The following INTS6 variants were observed in gnomAD, a reference collection of about 807,000 sequenced individuals.
The protein encoded by INTS6 is DEAD box protein.
INTS6 carries 16 observed loss-of-function variants against 104.9 expected under a neutral mutation model. That is an observed-to-expected ratio of 0.15 (90% CI 0.10 to 0.23). The LOEUF (loss-of-function observed/expected upper bound fraction) is 0.23. Ranked by LOEUF, INTS6 falls within the 10% of genes least tolerant of loss-of-function variation. The pLI is 1.00. For missense variants in INTS6, 584 were observed against 1,062.8 expected (o/e 0.55, Z 6.26); for synonymous variants, 324 against 358.7 (o/e 0.90, Z 1.09).
At position 51,369,301 on chromosome 13, in the gene INTS6, G is replaced by A. The variant is rs1350015254; in HGVS notation, c.2114C>T (p.Thr705Ile). 6.3e-7 allele frequency: 1 copy of A among 1,598,712 alleles called. No individual in the cohort carries two copies. Among genetic ancestry groups the A allele is most frequent in the East Asian group, 2.2e-5 (1 of 44,548 alleles). ...KPLPLHKISE[T>I]TNDSIIHDVV... ...ATCATGTATTATCGAATCATTAGTG[G>A]TTTCTGAAACTAAAAACAAAGATAC... Residue 705 changes from threonine (T) to isoleucine (I), a missense_variant, in exon 16 of 18, where the codon ACC (threonine) becomes ATC (isoleucine). By Grantham distance (89) the Thr-to-Ile change is moderately conservative. Transcript: ENST00000311234.
At chr13:51,409,263 AAATAATAAT>A (rs57913744) in intron 4 of INTS6, among the ~76,000 whole-genome samples, 36,489 of 135,712 alleles carry the variant, frequency 0.27, 4,990 homozygotes, top group East Asian at 0.32. Flanking sequence ...AATCCGTCTC[AAATAATAAT>A]AATAATAATA....
the INTS6 span, chr13:51,341,394 C>T: frequency 1.7e-4 from 249 of 1,504,554 alleles, no homozygotes; most frequent in Admixed American, 2.2e-4. Flanking sequence ...CCTGTTCACA[C>T]TCACACTCTC....
intron 4 of INTS6, chr13:51,402,772 AG>A (rs1170302694): frequency 6.6e-6 from 1 of 152,210 alleles, no homozygotes; most frequent in Admixed American, 6.5e-5. Context: ...TCTTACCAAA[AG>A]AAAAAGAATA....
intron 3 of INTS6, chr13:51,438,805 A>G (rs1188149631): frequency 6.6e-6 from 1 of 152,242 alleles, no homozygotes; most frequent in African/African-American, 2.4e-5. Context: ...AGAAATTACC[A>G]GAGGACACCA....
At chr13:51,430,899 A>G (rs1004186506) in intron 3 of INTS6, among the ~76,000 whole-genome samples, 3 of 152,244 alleles carry the variant, frequency 2.0e-5, no homozygotes, top group Admixed American at 6.5e-5. Context: ...TGGAAATAGT[A>G]GAGCTACTCT....
At chr13:51,406,990 C>T (rs1438407863) in intron 4 of INTS6, among the ~76,000 whole-genome samples, 1 of 151,484 alleles carries the variant, frequency 6.6e-6, no homozygotes, top group Non-Finnish European at 1.5e-5. Flanking sequence ...CCAATGTGCC[C>T]CTGGGAAGCC....
At chr13:51,448,012 C>A (rs957829291) in intron 3 of INTS6, 1 of 152,108 alleles carries the variant, frequency 6.6e-6, no homozygotes, top group Non-Finnish European at 1.5e-5. Flanking sequence ...GAGCCGAGAT[C>A]GCGCCACTGC....
chr13:51,360,293 C>T (rs1955551839), downstream of INTS6, among the ~76,000 whole-genome samples: 1 of 151,928 alleles, frequency 6.6e-6, no homozygotes, highest in African/African-American at 2.4e-5. Context: ...CTAGCATACA[C>T]TTTCTGAAAG....
intron 4 of INTS6, among the ~76,000 whole-genome samples, chr13:51,406,899 AT>A (rs562144778): frequency 0.037 from 5,039 of 135,736 alleles, 190 homozygotes; most frequent in African/African-American, 0.11. Flanking sequence ...TTTTTTTGTG[AT>A]TTTTTTTTTT....
chr13:51,413,830 T>C (rs1380420403), intron 4 of INTS6, among the ~76,000 whole-genome samples: 1 of 152,056 alleles, frequency 6.6e-6, no homozygotes, highest in Non-Finnish European at 1.5e-5. Flanking sequence ...GAAGCAAAAA[T>C]GTACAAGATA....
chr13:51,376,025 C>A, intron 13 of INTS6, 23 bp downstream of exon 13: 1 of 1,561,062 alleles, frequency 6.4e-7, no homozygotes, highest in Non-Finnish European at 8.6e-7. Flanking sequence ...TTAAAAATAC[C>A]AGTATTGAAA....
At chr13:51,348,732 G>T in the INTS6 span, 2 of 295,468 alleles carry the variant, frequency 6.8e-6, no homozygotes, top group African/African-American at 2.1e-5. Flanking sequence ...CCAGTTTTTG[G>T]AAAGGAAATG....
chr13:51,380,282 G>A (rs1439177479), intron 10 of INTS6, among the ~76,000 whole-genome samples: 1 of 152,100 alleles, frequency 6.6e-6, no homozygotes, highest in Non-Finnish European at 1.5e-5. Context: ...AGGAGAGACT[G>A]AGAAGTACTT....
At chr13:51,357,010 CT>C, downstream of INTS6, among the ~76,000 whole-genome samples, 1 of 152,230 alleles carries the variant, frequency 6.6e-6, no homozygotes, top group South Asian at 2.1e-4. Context: ...CTACCACCTG[CT>C]TTTGTGAAGT....
intron 4 of INTS6, among the ~76,000 whole-genome samples, chr13:51,410,036 T>C (rs760941821): frequency 6.6e-6 from 1 of 152,132 alleles, no homozygotes; most frequent in African/African-American, 2.4e-5. Context: ...ACCCAACATA[T>C]GTATAAACTC....
intron 4 of INTS6, among the ~76,000 whole-genome samples, chr13:51,397,232 AT>A (rs1392250348): frequency 6.6e-6 from 1 of 152,200 alleles, no homozygotes; most frequent in Non-Finnish European, 1.5e-5. Context: ...AAGTTTCTTC[AT>A]TGACTTACAT....
In INTS6 at chr13:51,452,693, T is replaced by G. The variant is rs577978239; in HGVS notation, c.-168A>C. 7.3e-7 allele frequency: 1 copy of G among 1,376,406 alleles called. No individual in the cohort carries two copies. The highest frequency in any genetic ancestry group is 9.4e-7 in the Non-Finnish European group (1 of 1,063,790). The allele number at this position is 1,376,406 out of a possible 1,614,324, so 85.3% of individuals were successfully genotyped here. On this transcript the variant is annotated 5_prime_UTR_variant, in exon 1 of 18. Transcript: ENST00000311234. This position sits in a 1 kb window ranked among gnomAD's most constrained non-coding sequence, Gnocchi z 4.2. ...CGGCTGCGGGGAGTTTCTCCCCCGA[T>G]AGTTGAGAGGAAACTCCCCAGACCC... is the stretch of plus-strand genomic sequence containing the variant.
chr13:51,436,625 A>G (rs1297852592), intron 3 of INTS6: 1 of 152,234 alleles, frequency 6.6e-6, no homozygotes, highest in African/African-American at 2.4e-5. Flanking sequence ...ATCGTAAGTC[A>G]CCATAAGAAC....
the INTS6 span, among the ~76,000 whole-genome samples, chr13:51,346,444 G>A: frequency 6.6e-6 from 1 of 152,198 alleles, no homozygotes; most frequent in Non-Finnish European, 1.5e-5. Flanking sequence ...ACCAGGAGCA[G>A]CATCCCAACC....
Sources: allele counts gnomAD v4.1 joint callset (sites outside exome capture counted in the v4.1 genomes callset), GRCh38; gene constraint gnomAD v4.1.1; non-coding constraint Gnocchi (gnomAD v3.1); transcripts MANE v1.5; gene names NCBI Gene and HGNC (gene_info 2026-07-23, HGNC 2026-07-21).